The following ADGRG7 variants were observed in gnomAD, a reference collection of about 807,000 sequenced individuals.
The protein encoded by ADGRG7 is G-protein coupled receptor 128.
A neutral mutation model predicts 88.6 loss-of-function variants in ADGRG7; 82 were observed. The observed-to-expected ratio is 0.93, with a 90% CI of 0.77 to 1.11. The LOEUF (loss-of-function observed/expected upper bound fraction) is 1.11, where lower values mean the gene tolerates loss of function less well. ADGRG7 is among the 50% of genes most tolerant of loss of function. ADGRG7 has a pLI of 0.00. For missense variants in ADGRG7, 945 were observed against 953.4 expected (o/e 0.99, Z 0.12); for synonymous variants, 381 against 345.2 (o/e 1.10, Z -1.15).
chr3:100,658,712 T>A (rs1020082529), intron 13 of ADGRG7, among the ~76,000 whole-genome samples: 3 of 152,108 alleles, frequency 2.0e-5, no homozygotes, highest in African/African-American at 7.2e-5. Context: ...ACCCCTCCCC[T>A]CCACACACAT....
chr3:100,637,030 G>A (rs1707555062), intron 5 of ADGRG7, among the ~76,000 whole-genome samples: 2 of 152,054 alleles, frequency 1.3e-5, no homozygotes, highest in South Asian at 4.1e-4. Context: ...AGTTTGGTGG[G>A]GAGTCTGTGA....
At chr3:100,684,267 A>ATTTATTTATTTATTTATTTATTTC (rs2094978489) in intron 15 of ADGRG7, among the ~76,000 whole-genome samples, 1 of 148,686 alleles carries the variant, frequency 6.7e-6, no homozygotes, top group Admixed American at 6.7e-5. Flanking sequence ...CTATTTATTT[A>ATTTATTTATTTATTTATTTATTTC]TTTATTTATT....
chr3:100,638,575 AT>A (rs1386661426), intron 6 of ADGRG7, among the ~76,000 whole-genome samples: 1 of 152,144 alleles, frequency 6.6e-6, no homozygotes, highest in Non-Finnish European at 1.5e-5. Flanking sequence ...GAACCAACCA[AT>A]GGGAGAGAGT....
chr3:100,665,403 T>C (rs1474104272), intron 14 of ADGRG7: 3 of 540,134 alleles, frequency 5.6e-6, no homozygotes, highest in Non-Finnish European at 7.6e-6. Context: ...TGTTTGTTTC[T>C]TTGTGAAAAC....
intron 14 of ADGRG7, chr3:100,665,098 T>C: frequency 1.9e-6 from 1 of 513,068 alleles, no homozygotes; most frequent in Admixed American, 2.1e-5. Flanking sequence ...CAGTCAGTTC[T>C]TCCGTATTTC....
At chr3:100,632,407 A>G (rs1707470273) in intron 3 of ADGRG7, among the ~76,000 whole-genome samples, 1 of 152,148 alleles carries the variant, frequency 6.6e-6, no homozygotes, top group African/African-American at 2.4e-5. Flanking sequence ...TAATTACTCA[A>G]TATTATATAC....
At chr3:100,635,473 A>G (rs1412158554) in intron 4 of ADGRG7, 4 of 1,190,902 alleles carry the variant, frequency 3.4e-6, no homozygotes, top group Non-Finnish European at 4.4e-6. Context: ...CAATCCTGTC[A>G]AACAGGAAAG....
intron 15 of ADGRG7, among the ~76,000 whole-genome samples, chr3:100,690,577 C>T (rs757700183): frequency 2.0e-5 from 3 of 152,150 alleles, no homozygotes; most frequent in African/African-American, 4.8e-5. Flanking sequence ...TGATAGTTTT[C>T]CTTCTAACAG....
chr3:100,625,444 A>G (rs948678784), intron 1 of ADGRG7, among the ~76,000 whole-genome samples: 2 of 152,154 alleles, frequency 1.3e-5, no homozygotes, highest in African/African-American at 4.8e-5. Flanking sequence ...GGCTGAGACG[A>G]TGGGGTTTTC....
chr3:100,615,723 T>C (rs945784987), intron 1 of ADGRG7, among the ~76,000 whole-genome samples: 1 of 152,190 alleles, frequency 6.6e-6, no homozygotes, highest in East Asian at 1.9e-4. Context: ...ATAATTCAAA[T>C]ATGCAAGCAG....
At chr3:100,616,335 C>A (rs1676348) in intron 1 of ADGRG7, among the ~76,000 whole-genome samples, 1 of 151,902 alleles carries the variant, frequency 6.6e-6, no homozygotes, top group African/African-American at 2.4e-5. Flanking sequence ...ACAAAACCAT[C>A]TGAAAGAGAA....
At chr3:100,659,611 C>T in intron 13 of ADGRG7, 77 bp from the exon 14 acceptor site, 1 of 1,248,492 alleles carries the variant, frequency 8.0e-7, no homozygotes, top group Non-Finnish European at 1.1e-6. Flanking sequence ...GAGTGAATGT[C>T]AATAGTGTTA....
chr3:100,638,312 G>C (rs1259744621), intron 6 of ADGRG7, among the ~76,000 whole-genome samples: 1 of 152,202 alleles, frequency 6.6e-6, no homozygotes, highest in Non-Finnish European at 1.5e-5. Context: ...TCTCAGTGGA[G>C]AGGGGAGCTG....
At chr3:100,635,439 C>T in intron 4 of ADGRG7, 2 of 744,278 alleles carry the variant, frequency 2.7e-6, no homozygotes, top group Middle Eastern at 4.6e-4. Flanking sequence ...CCCAATCTAG[C>T]TAAGGCAGCC....
At chr3:100,666,543 A>G (rs2094952023) in intron 14 of ADGRG7, among the ~76,000 whole-genome samples, 2 of 152,174 alleles carry the variant, frequency 1.3e-5, no homozygotes, top group South Asian at 2.1e-4. Flanking sequence ...GTTTTTCCCT[A>G]TCTCAGTAGA....
intron 15 of ADGRG7, among the ~76,000 whole-genome samples, chr3:100,669,322 TA>T: frequency 6.6e-6 from 1 of 151,520 alleles, no homozygotes; most frequent in South Asian, 2.1e-4. Flanking sequence ...CCATCTCTAC[TA>T]AAAAAAATAC....
Position 100,661,961 on chromosome 3 carries a change from C to T in ADGRG7, c.1979+2118C>T, listed in dbSNP as rs118002669. ...ATTCCAGTATTATCAGTTTATTGAA[C>T]AAATAAGGAAAGCAACCACAGTAAG... On this transcript the variant is annotated intron_variant, in intron 14 of 15. Transcript: ENST00000273352. Among the ~76,000 whole-genome samples, 249 of 152,158 alleles carry T rather than the reference C, an allele frequency of 1.6e-3. 8 individuals carry two copies. In the East Asian group the frequency reaches 0.045, roughly 27 times the overall value.
chr3:100,625,219 T>A (rs1707365853), intron 1 of ADGRG7, among the ~76,000 whole-genome samples: 1 of 152,138 alleles, frequency 6.6e-6, no homozygotes, highest in African/African-American at 2.4e-5. Flanking sequence ...CCTTGAGCAG[T>A]GGTTTGTAGT....
At chr3:100,620,017 C>T (rs1310417191) in intron 1 of ADGRG7, among the ~76,000 whole-genome samples, 1 of 152,144 alleles carries the variant, frequency 6.6e-6, no homozygotes, top group African/African-American at 2.4e-5. Context: ...GAAACTATTC[C>T]AATCAATAGA....
Sources: gnomAD v4.1 joint callset for allele counts (sites outside exome capture counted in the v4.1 genomes callset) on GRCh38, gnomAD v4.1.1 for gene constraint, MANE v1.5 for transcripts, NCBI Gene and HGNC (gene_info 2026-07-23, HGNC 2026-07-21) for gene names.